The following RANBP3 variants were observed in gnomAD, a reference collection of about 807,000 sequenced individuals.
The protein encoded by RANBP3 is RAN binding protein 3, also known as ran-binding protein 3.
In RANBP3, 14 loss-of-function variants were observed where a neutral mutation model predicts 77.3. That is an observed-to-expected ratio of 0.18 (90% CI 0.12 to 0.28). RANBP3 has a LOEUF of 0.28. Among genes scored for constraint, RANBP3 ranks in the 10% least tolerant of loss-of-function variants. The probability of loss-of-function intolerance (pLI) is 1.00; values close to 1 mark genes in which losing one functional copy is unlikely to be tolerated. For synonymous variants in RANBP3, 315 were observed against 312.4 expected (o/e 1.01, Z -0.09); for missense variants, 586 against 752.3 (o/e 0.78, Z 2.59).
intron 1 of RANBP3, among the ~76,000 whole-genome samples, chr19:5,961,522 C>T (rs1189110783): frequency 6.6e-6 from 1 of 152,036 alleles, no homozygotes; most frequent in East Asian, 1.9e-4. Context: ...CACCTGAGGT[C>T]GGGAGTTCGA....
chr19:5,929,864 C>T (rs1260528307), intron 8 of RANBP3, among the ~76,000 whole-genome samples: 1 of 152,246 alleles, frequency 6.6e-6, no homozygotes, highest in African/African-American at 2.4e-5. Context: ...ACCCCAGACC[C>T]ACATGGAGCA....
intron 1 of RANBP3, among the ~76,000 whole-genome samples, chr19:5,973,085 CA>C (rs1411437545): frequency 1.3e-5 from 2 of 152,220 alleles, no homozygotes; most frequent in African/African-American, 4.8e-5. Flanking sequence ...GCTACAGATA[CA>C]GGAGGCACAG....
intron 1 of RANBP3, among the ~76,000 whole-genome samples, chr19:5,968,098 G>A (rs1044039699): frequency 2.0e-5 from 3 of 152,196 alleles, no homozygotes; most frequent in African/African-American, 7.2e-5. Context: ...TTTCTGTTCC[G>A]CCACTAGGTG....
At chr19:5,969,914 A>G (rs2058511209) in intron 1 of RANBP3, among the ~76,000 whole-genome samples, 1 of 152,370 alleles carries the variant, frequency 6.6e-6, no homozygotes, top group Admixed American at 6.5e-5. Context: ...GAATAGAAAA[A>G]TAAGGTTGGG....
intron 1 of RANBP3, among the ~76,000 whole-genome samples, chr19:5,975,347 C>T (rs913000215): frequency 6.6e-6 from 1 of 152,124 alleles, no homozygotes; most frequent in African/African-American, 2.4e-5. Flanking sequence ...CCATTTCTCT[C>T]TTTGGCCCTT....
chr19:5,966,326 A>T (rs1424416088), intron 1 of RANBP3, among the ~76,000 whole-genome samples: 16 of 152,166 alleles, frequency 1.1e-4, no homozygotes, highest in Admixed American at 9.8e-4. Flanking sequence ...ACAGTGTGTG[A>T]TTATCCCAAT....
intron 1 of RANBP3, 81 bp downstream of exon 1, chr19:5,977,980 C>A (rs1222789711): frequency 2.2e-5 from 34 of 1,558,002 alleles, no homozygotes; most frequent in Admixed American, 5.5e-5. Context: ...CTGCGGTGCT[C>A]CCCCCAAGGG....
chr19:5,969,457 C>T (rs182100871), intron 1 of RANBP3, among the ~76,000 whole-genome samples: 1 of 152,362 alleles, frequency 6.6e-6, no homozygotes, highest in East Asian at 1.9e-4. Context: ...GCATTTTAAA[C>T]TTACTGCAAA....
chr19:5,946,959 C>T (rs115002923), intron 3 of RANBP3, among the ~76,000 whole-genome samples: 3,531 of 152,286 alleles, frequency 0.023, 134 homozygotes, highest in African/African-American at 0.08. Context: ...CCGAACAATG[C>T]CTGGGACACA....
At chr19:5,935,479 A>G (rs532622135) in intron 5 of RANBP3, among the ~76,000 whole-genome samples, 120 of 152,376 alleles carry the variant, frequency 7.9e-4, no homozygotes, top group African/African-American at 2.8e-3. Context: ...ATTTAGATAC[A>G]TTTTTAAAAG....
intron 1 of RANBP3, among the ~76,000 whole-genome samples, chr19:5,960,875 G>C (rs2058391527): frequency 6.6e-6 from 1 of 152,216 alleles, no homozygotes; most frequent in Non-Finnish European, 1.5e-5. Flanking sequence ...CTCTGATGGA[G>C]CAACCCTGTC....
intron 3 of RANBP3, among the ~76,000 whole-genome samples, chr19:5,947,260 GC>G (rs1244029509): frequency 3.1e-4 from 46 of 150,066 alleles, no homozygotes; most frequent in Middle Eastern, 3.5e-3. Flanking sequence ...CTTGCAGTGA[GC>G]CCAGATGGCG....
rs2057859404 is a variant in RANBP3 at position 5,923,681 on chromosome 19, T to C, written c.1099+131A>G. Reference sequence around the variant, plus strand: ...TCACTGCAAGGCAGGGCCCTGGAGCTGGTTCACATGTGGTTGTTACTGCTG... The same window carrying C: ...TCACTGCAAGGCAGGGCCCTGGAGCCGGTTCACATGTGGTTGTTACTGCTG... On this transcript the variant is annotated intron_variant, in intron 12 of 16. Coordinates refer to ENST00000340578, the MANE Select transcript of RANBP3 (RefSeq NM_007322.3). 4.4e-6 allele frequency: 3 copies of C among 678,716 alleles called. No individual in the cohort carries two copies. The East Asian group carries it at 8.1e-5, about 18-fold the overall frequency. 42.0% of individuals were successfully genotyped at this position (678,716 alleles called of 1,614,324 possible). A position where few individuals can be genotyped will look rare whatever the true frequency, so the allele number is the denominator to read the frequency against.
At chr19:5,969,373 G>A (rs1013760962) in intron 1 of RANBP3, among the ~76,000 whole-genome samples, 4 of 152,178 alleles carry the variant, frequency 2.6e-5, no homozygotes, top group African/African-American at 7.2e-5. Context: ...CAGATGCAAC[G>A]CAGGAATTAA....
chr19:5,970,600 C>A (rs966963939), intron 1 of RANBP3, among the ~76,000 whole-genome samples: 5 of 152,032 alleles, frequency 3.3e-5, no homozygotes, highest in African/African-American at 1.2e-4. Flanking sequence ...AGGGGCTACC[C>A]AACATCCTCC....
At chr19:5,923,061 G>A in intron 13 of RANBP3, 133 bp downstream of exon 13, 1 of 687,332 alleles carries the variant, frequency 1.5e-6, no homozygotes, top group Non-Finnish European at 2.5e-6. Flanking sequence ...AAGTCCCAGA[G>A]CGTGGGGCCA....
intron 1 of RANBP3, among the ~76,000 whole-genome samples, chr19:5,975,070 T>C (rs1022058284): frequency 2.0e-5 from 3 of 152,184 alleles, no homozygotes; most frequent in African/African-American, 7.2e-5. Context: ...GGGCAGCCCC[T>C]AAAGCTTCAA....
At chr19:5,934,967 A>G (rs1457359563) in intron 5 of RANBP3, among the ~76,000 whole-genome samples, 1 of 152,314 alleles carries the variant, frequency 6.6e-6, no homozygotes, top group African/African-American at 2.4e-5. Flanking sequence ...ACCAGGGCTC[A>G]AGGGAGGGGG....
chr19:5,961,593 G>A (rs2058402872), intron 1 of RANBP3, among the ~76,000 whole-genome samples: 1 of 152,098 alleles, frequency 6.6e-6, no homozygotes, highest in Admixed American at 6.5e-5. Flanking sequence ...ACTGAGCCAG[G>A]CGTGGTGGCG....
Sources: gnomAD v4.1 joint callset for allele counts (sites outside exome capture counted in the v4.1 genomes callset) on GRCh38, gnomAD v4.1.1 for gene constraint, MANE v1.5 for transcripts, NCBI Gene and HGNC (gene_info 2026-07-23, HGNC 2026-07-21) for gene names.